The following FOXJ3 variants were observed in gnomAD, a reference collection of about 807,000 sequenced individuals.
The protein encoded by FOXJ3 is forkhead box J3.
A neutral mutation model predicts 76.1 loss-of-function variants in FOXJ3; 22 were observed. The observed-to-expected ratio is 0.29, with a 90% CI of 0.21 to 0.41. FOXJ3 has a LOEUF of 0.41. FOXJ3 is among the 10% of genes least tolerant of loss of function. The pLI is 1.00. For synonymous variants in FOXJ3, 269 were observed against 261.2 expected (o/e 1.03, Z -0.29); for missense variants, 613 against 762.1 (o/e 0.80, Z 2.30).
In FOXJ3 at chr1:42,278,732, T is replaced by C. The variant is rs180759852; in HGVS notation, c.45-60A>G. ...GAAAGAACCCCTGCTTCTCAAAATATCCAATATTCACAAATCTAGGAGTTC... is the reference window on the plus strand; with the variant it reads ...GAAAGAACCCCTGCTTCTCAAAATACCCAATATTCACAAATCTAGGAGTTC... On this transcript the variant is annotated intron_variant, in intron 2 of 12. Transcript: ENST00000361346. 3.3e-5 allele frequency: 41 copies of C among 1,229,114 alleles called. No individual in the cohort carries two copies. In the Admixed American group the frequency reaches 7.1e-4, roughly 21 times the overall value. 76.1% of individuals were successfully genotyped at this position (1,229,114 alleles called of 1,614,324 possible).
rs764736967 is a variant in FOXJ3, at chr1:42,194,966, T to C, written c.858A>G (p.Glu286=). 5 of 1,613,342 alleles carry C rather than the reference T, an allele frequency of 3.1e-6. No individual in the cohort carries two copies. The highest frequency in any genetic ancestry group is 4.2e-6 in the Non-Finnish European group (5 of 1,179,522). The change falls in exon 8 of 13, where the codon GAA becomes GAG. Residue 286 remains glutamate, a synonymous_variant. Transcript: ENST00000361346. ...AGGCACTAAGATCTTCAAAATTATA[T>C]TCTGAGAAAAGTAGTTGCTTGTCTC... The part of the protein sequence containing the change: ...PERDKQLLFS[E]YNFEDLSASF...
chr1:42,312,362 T>A (rs1049895289), intron 1 of FOXJ3, among the ~76,000 whole-genome samples: 2 of 152,190 alleles, frequency 1.3e-5, no homozygotes, highest in East Asian at 3.9e-4. Flanking sequence ...CTGGCCCTGA[T>A]TTTCATTTCC....
chr1:42,257,737 C>CAAA (rs10660267), intron 4 of FOXJ3, among the ~76,000 whole-genome samples: 323 of 131,574 alleles, frequency 2.5e-3, no homozygotes, highest in African/African-American at 3.0e-3. Flanking sequence ...GACTCTGTCT[C>CAAA]AAAAAAAAAA....
intron 5 of FOXJ3, among the ~76,000 whole-genome samples, chr1:42,209,203 CG>C (rs1646919035): frequency 6.6e-6 from 1 of 152,184 alleles, no homozygotes; most frequent in Non-Finnish European, 1.5e-5. Context: ...AATTCAGTAA[CG>C]TTGCGGGATA....
intron 5 of FOXJ3, among the ~76,000 whole-genome samples, chr1:42,213,234 A>G (rs1347099619): frequency 1.3e-5 from 2 of 152,132 alleles, no homozygotes; most frequent in Non-Finnish European, 2.9e-5. Flanking sequence ...TTCAATATTA[A>G]TGTTGAATGT....
Position 42,227,870 on chromosome 1 carries a change from A to T in FOXJ3, c.528+13T>A. On this transcript the variant is annotated intron_variant, in intron 5 of 12. Coordinates refer to ENST00000361346, the MANE Select transcript of FOXJ3 (RefSeq NM_014947.5). ...CAATGCATTACACTAAATTTATGATAAAGAGCCTTTACCCGTTCTACAGAT... is the reference window on the plus strand; with the variant it reads ...CAATGCATTACACTAAATTTATGATTAAGAGCCTTTACCCGTTCTACAGAT... The T allele has an allele frequency of 1.3e-6, 2 of 1,492,220 alleles. No individual in the cohort carries two copies. The highest frequency in any genetic ancestry group is 2.7e-5 in the African/African-American group (2 of 72,978). 92.4% of individuals were successfully genotyped at this position (1,492,220 alleles called of 1,614,324 possible). A position where few individuals can be genotyped will look rare whatever the true frequency, so the allele number is the denominator to read the frequency against.
intron 4 of FOXJ3, among the ~76,000 whole-genome samples, chr1:42,237,472 A>G (rs1280404829): frequency 1.4e-5 from 2 of 145,880 alleles, no homozygotes; most frequent in African/African-American, 5.2e-5. Context: ...ATATACATAT[A>G]TATGTATATA....
intron 2 of FOXJ3, among the ~76,000 whole-genome samples, chr1:42,295,959 T>C (rs1356248376): frequency 6.6e-6 from 1 of 152,328 alleles, no homozygotes; most frequent in African/African-American, 2.4e-5. Context: ...GGTTGAACAT[T>C]CCCGTCAGCA....
intron 2 of FOXJ3, among the ~76,000 whole-genome samples, chr1:42,280,669 G>C (rs569298894): frequency 2.9e-4 from 44 of 152,158 alleles, no homozygotes; most frequent in African/African-American, 9.6e-4. Context: ...CAGGTAGTTA[G>C]CAGTAGTACA....
At chr1:42,209,682 A>G (rs924012595) in intron 5 of FOXJ3, among the ~76,000 whole-genome samples, 2 of 152,184 alleles carry the variant, frequency 1.3e-5, no homozygotes, top group Non-Finnish European at 2.9e-5. Flanking sequence ...AGTGGGGAGA[A>G]TATGAGGAGA....
At chr1:42,298,191 T>C (rs1653907512) in intron 2 of FOXJ3, among the ~76,000 whole-genome samples, 1 of 152,232 alleles carries the variant, frequency 6.6e-6, no homozygotes, top group Non-Finnish European at 1.5e-5. Flanking sequence ...CCTTCTGCCA[T>C]GATTATAAGC....
chr1:42,316,349 T>TTTTTTTTTTTTTTTC lies in FOXJ3; in HGVS notation c.-17-5240_-17-5239insGAAAAAAAAAAAAAA, dbSNP rs1553169820. ...GCATTGGGCCTTTTTTTTTTTTTTT[T>TTTTTTTTTTTTTTTC]CTGTAGAAACAAGGTCTTGCTGTGT... On this transcript the variant is annotated intron_variant, in intron 1 of 12. Transcript: ENST00000361346. Among the ~76,000 whole-genome samples the TTTTTTTTTTTTTTTC allele has an allele frequency of 6.9e-3, 936 of 134,934 alleles. 35 individuals carry two copies. Among genetic ancestry groups the TTTTTTTTTTTTTTTC allele is most frequent in the Non-Finnish European group, 0.011 (697 of 60,740 alleles). The allele number at this position is 134,934 out of a possible 152,430, so 88.5% of individuals were successfully genotyped here.
intron 7 of FOXJ3, among the ~76,000 whole-genome samples, 197 bp from the exon 8 acceptor site, chr1:42,195,261 A>G (rs1646629984): frequency 6.6e-6 from 1 of 152,252 alleles, no homozygotes; most frequent in Non-Finnish European, 1.5e-5. Context: ...GAAGAACTGT[A>G]GAAGTCTAAC....
chr1:42,252,905 G>A lies in FOXJ3; in HGVS notation c.444+12210C>T, dbSNP rs1373559645. On this transcript the variant is annotated intron_variant, in intron 4 of 12. Transcript: ENST00000361346. ...GCATTCCCTTTGAAAACTGGCACAAGACAGGGATGCCCTCTCTCACCACTC... is the reference window on the plus strand; with the variant it reads ...GCATTCCCTTTGAAAACTGGCACAAAACAGGGATGCCCTCTCTCACCACTC... 1.1e-4 allele frequency among the ~76,000 whole-genome samples: 17 copies of A among 150,302 alleles called. No individual in the cohort carries two copies. In the East Asian group the frequency reaches 2.9e-3, roughly 26 times the overall value.
chr1:42,191,693 A>G lies in FOXJ3; in HGVS notation c.961T>C (p.Ser321Pro). The stretch of plus-strand genomic sequence containing the variant: ...GTACATGAAGTGTGGGACTGCTGGG[A>G]AGATTCAGAAGGGATGTTCATCAAA... ...QGLMNIPSES[S>P]QQSHTSCTYQ... Residue 321 changes from serine (S) to proline (P), a missense_variant, in exon 9 of 13, where the codon TCC (serine) becomes CCC (proline). Around this residue, in one of 3 missense-constraint regions of FOXJ3, gnomAD observed 526 missense variants for 601.4 expected, o/e 0.87. Transcript: ENST00000361346. The G allele has an allele frequency of 1.9e-6, 3 of 1,612,348 alleles. No individual in the cohort carries two copies. The highest frequency in any genetic ancestry group is 2.5e-6 in the Non-Finnish European group (3 of 1,178,472).
chr1:42,284,006 C>T (rs1652892813), intron 2 of FOXJ3, among the ~76,000 whole-genome samples: 1 of 152,140 alleles, frequency 6.6e-6, no homozygotes, highest in Non-Finnish European at 1.5e-5. Flanking sequence ...AGATACTGAG[C>T]ATATGGAAAC....
At chr1:42,277,481 T>G (rs1652358857) in intron 3 of FOXJ3, among the ~76,000 whole-genome samples, 1 of 146,878 alleles carries the variant, frequency 6.8e-6, no homozygotes, top group African/African-American at 2.5e-5. Context: ...GCTAACACGG[T>G]GAAATCCCAT....
At chr1:42,213,785 G>A (rs966517459) in intron 5 of FOXJ3, among the ~76,000 whole-genome samples, 1 of 152,122 alleles carries the variant, frequency 6.6e-6, no homozygotes, top group Non-Finnish European at 1.5e-5. Flanking sequence ...AGAATAGAAT[G>A]GTGGTTACCA....
In FOXJ3 at chr1:42,188,717, G is replaced by A. The variant is rs762457256; in HGVS notation, c.1645+20C>T. 1 of 1,431,926 alleles carries A rather than the reference G, an allele frequency of 7.0e-7. No individual in the cohort carries two copies. Among genetic ancestry groups the A allele is most frequent in the Non-Finnish European group, 9.3e-7 (1 of 1,075,886 alleles). The allele number at this position is 1,431,926 out of a possible 1,614,324, so 88.7% of individuals were successfully genotyped here. On this transcript the variant is annotated intron_variant, in intron 11 of 12. Transcript: ENST00000361346. ...CGAATGAGAAAATGAGAAAAATCAA[G>A]AAGATAACTAACCCCATACCTGTTC...
Sources: gnomAD v4.1 joint callset for allele counts (sites outside exome capture counted in the v4.1 genomes callset) on GRCh38, gnomAD v4.1.1 for gene constraint, gnomAD v4.1.1 regional missense constraint, MANE v1.5 for transcripts, NCBI Gene and HGNC (gene_info 2026-07-23, HGNC 2026-07-21) for gene names.